RP1: variants seen among roughly 807,000 people sequenced by gnomAD.
The protein encoded by RP1 is RP1 axonemal microtubule associated, also known as oxygen-regulated protein 1.
A neutral mutation model predicts 14.8 loss-of-function variants in RP1; 16 were observed. The observed-to-expected ratio is 1.08, with a 90% confidence interval of 0.73 to 1.65. The LOEUF is 1.65. Ranked by LOEUF, RP1 falls within the 40% of genes most tolerant of loss-of-function variation. The pLI is 0.00. For missense variants in RP1, 2,631 were observed against 2,535.0 expected (o/e 1.04, Z -0.81); for synonymous variants, 876 against 883.6 (o/e 0.99, Z 0.15).
rs1805986824 is a variant in RP1, at chr8:54,624,952, G to A, written c.1070G>A (p.Gly357Asp). The A allele has an allele frequency of 6.2e-7, 1 of 1,614,122 alleles. No homozygotes were observed. The highest frequency in any genetic ancestry group is 8.5e-7 in the Non-Finnish European group (1 of 1,180,030). ...TGGACAACTACTGTCAGTAAAACTG[G>A]TCCTTCTAATAATGATGAAAAGAGT... ...IKWTTTVSKT[G>D]PSNNDEKSEM... Residue 357 changes from glycine to aspartate, a missense_variant, in exon 4 of 4, where the codon GGT becomes GAT. By Grantham distance (94) the Gly-to-Asp change is moderately conservative. Transcript: ENST00000220676.
At chr8:54,770,702 G>C (rs553503762), downstream of RP1, among the ~76,000 whole-genome samples, 2 of 151,088 alleles carry the variant, frequency 1.3e-5, no homozygotes, top group African/African-American at 4.8e-5. Context: ...TCAATTTTTT[G>C]TTAGTAAAAA....
chr8:54,709,239 A>C (rs2129346067), intron 15 of RP1, among the ~76,000 whole-genome samples: 1 of 152,292 alleles, frequency 6.6e-6, no homozygotes, highest in South Asian at 2.1e-4. Context: ...TTTCCCAAGA[A>C]CCAGCCTTGT....
At chr8:54,723,449 G>A (rs1375896302) in intron 16 of RP1, among the ~76,000 whole-genome samples, 3 of 151,950 alleles carry the variant, frequency 2.0e-5, no homozygotes, top group Non-Finnish European at 4.4e-5. Context: ...TGTGTATTGG[G>A]AATTTATAAT....
intron 1 of RP1, among the ~76,000 whole-genome samples, chr8:54,581,643 T>A (rs889551344): frequency 2.6e-5 from 4 of 152,168 alleles, no homozygotes; most frequent in Admixed American, 2.0e-4. Context: ...CTATTCCTAT[T>A]TCTCCACATC....
chr8:54,770,219 C>T, downstream of RP1: 1 of 399,774 alleles, frequency 2.5e-6, no homozygotes, highest in Non-Finnish European at 4.4e-6. Flanking sequence ...TAATCCATTT[C>T]TGTTTCAAGA....
At chr8:54,684,063 A>G (rs1807497191) in intron 12 of RP1, among the ~76,000 whole-genome samples, 1 of 145,622 alleles carries the variant, frequency 6.9e-6, no homozygotes, top group Admixed American at 7.0e-5. Flanking sequence ...GTGTCTATTG[A>G]GATAATCGTG....
chr8:54,863,466 T>G (rs183474506), intron 27 of RP1, among the ~76,000 whole-genome samples: 1 of 152,200 alleles, frequency 6.6e-6, no homozygotes, highest in Non-Finnish European at 1.5e-5. Context: ...AGTTTATACA[T>G]CCACATACAT....
chr8:54,710,271 A>G (rs1178230134), intron 15 of RP1, among the ~76,000 whole-genome samples: 1 of 152,188 alleles, frequency 6.6e-6, no homozygotes, highest in East Asian at 1.9e-4. Context: ...ACGCGAGCAA[A>G]CAAGTGCAGG....
At chr8:54,840,269 T>A (rs1811760107) in intron 25 of RP1, among the ~76,000 whole-genome samples, 1 of 152,082 alleles carries the variant, frequency 6.6e-6, no homozygotes, top group South Asian at 2.1e-4. Flanking sequence ...ATTATTATTA[T>A]TGAGATGGAG....
intron 24 of RP1, among the ~76,000 whole-genome samples, chr8:54,814,925 C>T (rs920053282): frequency 2.6e-5 from 4 of 152,232 alleles, no homozygotes; most frequent in Admixed American, 6.5e-5. Context: ...GTGAGAATGG[C>T]TTGAACCTAG....
At chr8:54,657,295 C>G (rs1806775927) in intron 6 of RP1, among the ~76,000 whole-genome samples, 1 of 152,136 alleles carries the variant, frequency 6.6e-6, no homozygotes, top group African/African-American at 2.4e-5. Context: ...GCTGCTACTT[C>G]CCTCCATTTT....
At chr8:54,599,772 A>G (rs374330768) in intron 1 of RP1, among the ~76,000 whole-genome samples, 34 of 152,290 alleles carry the variant, frequency 2.2e-4, no homozygotes, top group African/African-American at 7.5e-4. Flanking sequence ...TTTGTCATTC[A>G]AGTTGAGATT....
intron 22 of RP1, among the ~76,000 whole-genome samples, chr8:54,767,834 G>A (rs758638861): frequency 1.5e-4 from 23 of 152,218 alleles, no homozygotes; most frequent in Non-Finnish European, 1.3e-4. Flanking sequence ...TATTGTATGT[G>A]TGTTATTAGG....
intron 1 of RP1, among the ~76,000 whole-genome samples, chr8:54,597,629 G>C (rs965896958): frequency 1.3e-5 from 2 of 152,126 alleles, no homozygotes; most frequent in African/African-American, 4.8e-5. Flanking sequence ...TGCCTAAGCA[G>C]GTTATTAATG....
intron 24 of RP1, among the ~76,000 whole-genome samples, chr8:54,783,991 T>C (rs1318895706): frequency 6.6e-6 from 1 of 152,158 alleles, no homozygotes; most frequent in Non-Finnish European, 1.5e-5. Context: ...TTACTACTAA[T>C]CCTATTGTCA....
At chr8:54,848,101 G>T (rs1811973208) in intron 25 of RP1, among the ~76,000 whole-genome samples, 1 of 152,160 alleles carries the variant, frequency 6.6e-6, no homozygotes, top group Non-Finnish European at 1.5e-5. Context: ...TCTCCCTCCT[G>T]TTGCAGTTTT....
At chr8:54,816,436 T>G (rs940138338) in intron 24 of RP1, among the ~76,000 whole-genome samples, 3 of 152,142 alleles carry the variant, frequency 2.0e-5, no homozygotes, top group Non-Finnish European at 4.4e-5. Flanking sequence ...ACTGCTAAAC[T>G]TTGACTGGAC....
intron 24 of RP1, among the ~76,000 whole-genome samples, chr8:54,791,351 C>G (rs778596636): frequency 5.3e-5 from 8 of 152,068 alleles, no homozygotes; most frequent in Non-Finnish European, 1.2e-4. Context: ...GGAAGTTCAT[C>G]AAGTTGAAAT....
At chr8:54,703,010 G>T (rs1433377410) in intron 14 of RP1, among the ~76,000 whole-genome samples, 2 of 152,136 alleles carry the variant, frequency 1.3e-5, no homozygotes, top group Non-Finnish European at 2.9e-5. Context: ...TACCACATCT[G>T]CAGTTATTTC....
Sources: allele counts gnomAD v4.1 joint callset (sites outside exome capture counted in the v4.1 genomes callset), GRCh38; gene constraint gnomAD v4.1.1; transcripts MANE v1.5; gene names NCBI Gene and HGNC (gene_info 2026-07-23, HGNC 2026-07-21).